The following TRAIP variants were observed in gnomAD, a reference collection of about 807,000 sequenced individuals.
The protein encoded by TRAIP is TRAF interacting protein, also known as E3 ubiquitin-protein ligase TRAIP.
In TRAIP, 37 loss-of-function variants were observed where a neutral mutation model predicts 65.0. The observed-to-expected ratio is 0.57, with a 90% CI of 0.44 to 0.75. TRAIP has a LOEUF of 0.75. Among genes scored for constraint, TRAIP ranks in the 30% least tolerant of loss-of-function variants. TRAIP has a pLI of 0.00. For synonymous variants in TRAIP, 187 were observed against 219.1 expected (o/e 0.85, Z 1.29); for missense variants, 481 against 579.4 (o/e 0.83, Z 1.74).
At chr3:49,831,765 G>A (rs1184505977) in intron 11 of TRAIP, 151 bp downstream of exon 11, 12 of 792,500 alleles carry the variant, frequency 1.5e-5, no homozygotes, top group Non-Finnish European at 5.4e-6. Flanking sequence ...TCAGGTGAGG[G>A]AACAAGAGGT....
At chr3:49,847,221 A>AAATAAAT (rs1553619331) in intron 3 of TRAIP, among the ~76,000 whole-genome samples, 2 of 146,476 alleles carry the variant, frequency 1.4e-5, no homozygotes, top group African/African-American at 5.1e-5. Flanking sequence ...ATAAATAAAT[A>AAATAAAT]AAATAAAAAA....
chr3:49,852,624 A>G (rs2081942431), intron 1 of TRAIP, among the ~76,000 whole-genome samples: 2 of 149,016 alleles, frequency 1.3e-5, no homozygotes, highest in African/African-American at 2.5e-5. Flanking sequence ...GCATGGTGGC[A>G]GGCGCCTGTA....
Position 49,828,993 on chromosome 3 carries a change from A to C in TRAIP, c.*110T>G. The C allele has an allele frequency of 6.7e-7, 1 of 1,486,614 alleles. No individual in the cohort carries two copies. The highest frequency in any genetic ancestry group is 9.3e-7 in the Non-Finnish European group (1 of 1,077,520). The allele number at this position is 1,486,614 out of a possible 1,614,324, so 92.1% of individuals were successfully genotyped here. A position where few individuals can be genotyped will look rare whatever the true frequency, so the allele number is the denominator to read the frequency against. On this transcript the variant is annotated 3_prime_UTR_variant, in exon 15 of 15. Transcript: ENST00000331456. ...CCCTCACCTGTTTGTCTGCCCTTAC[A>C]CCTCAGGCTGGTCCCGAAAGTGGGG...
At chr3:49,836,384 G>A (rs1389286948) in intron 10 of TRAIP, among the ~76,000 whole-genome samples, 1 of 151,930 alleles carries the variant, frequency 6.6e-6, no homozygotes, top group Non-Finnish European at 1.5e-5. Flanking sequence ...CCCAGCTACT[G>A]GGGAGGTTGA....
chr3:49,846,880 AT>A (rs976207957), intron 3 of TRAIP, among the ~76,000 whole-genome samples: 1 of 151,800 alleles, frequency 6.6e-6, no homozygotes, highest in African/African-American at 2.4e-5. Context: ...CTCTATAAAA[AT>A]TTTTTTTTAT....
rs767664526 is a variant in TRAIP at position 49,841,890 on chromosome 3, G to A, written c.553C>T (p.Arg185Ter). Residue 185 changes from arginine (R) to a stop codon, truncating the protein, a stop_gained, in exon 7 of 15, where the codon CGA (arginine) becomes TGA (stop). Transcript: ENST00000331456. LOFTEE classifies it high-confidence loss of function. ...GCTGACTGTCCCACACCCATGTCTC[G>A]GATCATCTCCTCCACCTCAGGGCGC... is the stretch of plus-strand genomic sequence containing the variant. ...SQRPEVEEMI[R>*]DMGVGQSAVE... is the part of the protein sequence containing the mutation. 8.9e-5 allele frequency: 144 copies of A among 1,614,038 alleles called. No individual in the cohort carries two copies. The highest frequency in any genetic ancestry group is 1.1e-4 in the Non-Finnish European group (133 of 1,180,026).
chr3:49,843,671 C>T, intron 5 of TRAIP, 130 bp downstream of exon 5: 2 of 1,275,336 alleles, frequency 1.6e-6, no homozygotes, highest in Non-Finnish European at 1.1e-6. Context: ...AGTGATTTGC[C>T]TCTATTTTAC....
intron 1 of TRAIP, among the ~76,000 whole-genome samples, chr3:49,855,040 T>C (rs2081960061): frequency 6.6e-6 from 1 of 150,810 alleles, no homozygotes; most frequent in Non-Finnish European, 1.5e-5. Flanking sequence ...CTGCAGCCTG[T>C]GTAACAGAGT....
chr3:49,856,305 C>T (rs1421930260), intron 1 of TRAIP, 51 bp downstream of exon 1: 3 of 1,537,092 alleles, frequency 2.0e-6, no homozygotes, highest in Non-Finnish European at 2.7e-6. Context: ...ACCTCAAGGC[C>T]CTGAAGCGGT....
At chr3:49,838,213 G>C (rs2081805060) in intron 10 of TRAIP, among the ~76,000 whole-genome samples, 1 of 152,196 alleles carries the variant, frequency 6.6e-6, no homozygotes, top group South Asian at 2.1e-4. Context: ...AGACAAAAAT[G>C]AATGAAGTCA....
In TRAIP at chr3:49,829,197, G is replaced by T. The variant is rs149640331; in HGVS notation, c.1316C>A (p.Pro439His). 1 of 1,614,252 alleles carries T rather than the reference G, an allele frequency of 6.2e-7. No individual in the cohort carries two copies. Residue 439 changes from proline to histidine, a missense_variant, in exon 15 of 15, where the codon CCT becomes CAT. Transcript: ENST00000331456. ...PTDTVMIRPL[P>H]VKPKTKVKQR... The stretch of plus-strand genomic sequence containing the variant: ...CTTAACCTTGGTCTTGGGCTTAACA[G>T]GCAATGGGCGGATCATGACTGTGTC...
chr3:49,847,415 GAGAAA>G lies in TRAIP; in HGVS notation c.240+105_240+109del, dbSNP rs1188878375. ...GAAAAGAAAAGAAAAGAAAAGAAAA[GAGAAA>G]AGAGAAGAGAAGAGAAGAGAAGAGA... On this transcript the variant is annotated intron_variant, in intron 3 of 14. Transcript: ENST00000331456. The G allele has an allele frequency of 2.6e-4, 191 of 743,594 alleles. 1 individual carries two copies. In the African/African-American group the frequency reaches 3.3e-3, roughly 13 times the overall value. 46.1% of individuals were successfully genotyped at this position (743,594 alleles called of 1,614,324 possible).
chr3:49,835,453 A>C (rs1249787775), intron 10 of TRAIP, among the ~76,000 whole-genome samples: 1 of 152,156 alleles, frequency 6.6e-6, no homozygotes, highest in Non-Finnish European at 1.5e-5. Flanking sequence ...TGGGTATAGA[A>C]TTTCACTTTG....
chr3:49,848,312 G>T, intron 1 of TRAIP, 112 bp from the exon 2 acceptor site: 1 of 1,146,610 alleles, frequency 8.7e-7, no homozygotes, highest in South Asian at 1.3e-5. Context: ...TTGACCCAAT[G>T]CCTGCCCAAA....
intron 1 of TRAIP, among the ~76,000 whole-genome samples, chr3:49,850,572 T>A (rs1363044060): frequency 6.9e-6 from 1 of 145,830 alleles, no homozygotes; most frequent in Non-Finnish European, 1.5e-5. Context: ...TATGGGGAGG[T>A]GGAGGGAGGT....
chr3:49,830,688 A>G (rs2081723392), intron 11 of TRAIP, among the ~76,000 whole-genome samples: 1 of 152,120 alleles, frequency 6.6e-6, no homozygotes. Context: ...TTTCCATCCA[A>G]TTCCTGGGGA....
intron 10 of TRAIP, among the ~76,000 whole-genome samples, chr3:49,834,709 C>A (rs2081765519): frequency 6.6e-6 from 1 of 152,096 alleles, no homozygotes; most frequent in Non-Finnish European, 1.5e-5. Context: ...GTCTGCACAT[C>A]CCCCCCAAAC....
chr3:49,855,541 G>C (rs1374874192), intron 1 of TRAIP, among the ~76,000 whole-genome samples: 2 of 152,226 alleles, frequency 1.3e-5, no homozygotes, highest in Non-Finnish European at 2.9e-5. Context: ...TTAGAGGCGA[G>C]CTTAATTTCT....
chr3:49,830,202 C>A, intron 11 of TRAIP, 134 bp from the exon 12 acceptor site: 1 of 958,090 alleles, frequency 1.0e-6, no homozygotes, highest in Non-Finnish European at 1.6e-6. Flanking sequence ...GGCAAGGCAC[C>A]TCAGTGATCC....
Sources: gnomAD v4.1 joint callset for allele counts (sites outside exome capture counted in the v4.1 genomes callset) on GRCh38, gnomAD v4.1.1 for gene constraint, MANE v1.5 for transcripts, NCBI Gene and HGNC (gene_info 2026-07-23, HGNC 2026-07-21) for gene names.